Variants in ZBTB20 observed in about 807,000 individuals in gnomAD.
The protein encoded by ZBTB20 is zinc finger and BTB domain-containing protein 20.
ZBTB20 carries 9 observed loss-of-function variants against 56.9 expected under a neutral mutation model. The ratio of observed to expected loss-of-function variants is 0.16; its 90% CI spans 0.10 to 0.28. ZBTB20 has a LOEUF of 0.28. Among genes scored for constraint, ZBTB20 ranks in the 10% least tolerant of loss-of-function variants. The pLI, the probability that ZBTB20 is intolerant of heterozygous loss-of-function variation, is 1.00. For synonymous variants in ZBTB20, 417 were observed against 420.7 expected (o/e 0.99, Z 0.11); for missense variants, 655 against 1,003.0 (o/e 0.65, Z 4.69).
intron 4 of ZBTB20, among the ~76,000 whole-genome samples, chr3:114,822,008 T>C (rs767703657): frequency 1.3e-5 from 2 of 151,944 alleles, no homozygotes; most frequent in Non-Finnish European, 2.9e-5. Context: ...CTAATGTATT[T>C]ACAAAGTAGG....
rs1390358373 is a variant in ZBTB20, at chr3:114,321,131, T to C, written c.*17874A>G. On this transcript the variant is annotated 3_prime_UTR_variant, in exon 12 of 12. Transcript: ENST00000675478. ...GCTGCTACTGGTATTTATATTTAAT[T>C]TGGAGGAATTTCCAGCCCACTGATA... The C allele has an allele frequency of 3.9e-5, 6 of 152,194 alleles. No homozygotes were observed. The highest frequency in any genetic ancestry group is 1.4e-4 in the African/African-American group (6 of 41,450). 9.4% of individuals were successfully genotyped at this position (152,194 alleles called of 1,614,324 possible). A position where few individuals can be genotyped will look rare whatever the true frequency, so the allele number is the denominator to read the frequency against.
At chr3:114,640,219 C>A (rs2059486446) in intron 6 of ZBTB20, among the ~76,000 whole-genome samples, 1 of 151,962 alleles carries the variant, frequency 6.6e-6, no homozygotes, top group Admixed American at 6.6e-5. Flanking sequence ...ACAGTTTGGG[C>A]TGTGAATAGT....
chr3:114,593,461 C>T (rs138204993), intron 6 of ZBTB20, among the ~76,000 whole-genome samples: 3,155 of 150,846 alleles, frequency 0.021, 102 homozygotes, highest in African/African-American at 0.072. Flanking sequence ...CTCGGCTCAC[C>T]GCAATCTCTG....
At chr3:114,604,385 A>G (rs1304928637) in intron 6 of ZBTB20, among the ~76,000 whole-genome samples, 2 of 152,080 alleles carry the variant, frequency 1.3e-5, no homozygotes, top group Non-Finnish European at 2.9e-5. Context: ...ATAATGAATA[A>G]AAGTGGTTAC....
At chr3:114,617,943 T>C (rs1408174878) in intron 6 of ZBTB20, among the ~76,000 whole-genome samples, 3 of 144,670 alleles carry the variant, frequency 2.1e-5, no homozygotes, top group Non-Finnish European at 3.0e-5. Flanking sequence ...CAAACACACA[T>C]GTATACACTC....
At chr3:115,124,449 A>G (rs2108652700) in intron 1 of ZBTB20, among the ~76,000 whole-genome samples, 1 of 152,354 alleles carries the variant, frequency 6.6e-6, no homozygotes, top group Non-Finnish European at 1.5e-5. Context: ...ATATGCATTG[A>G]TAACTAGGTT....
chr3:114,699,180 T>C (rs2063239913), intron 5 of ZBTB20, among the ~76,000 whole-genome samples: 1 of 152,132 alleles, frequency 6.6e-6, no homozygotes, highest in South Asian at 2.1e-4. Flanking sequence ...CACCAGCCCT[T>C]TTGGGCTGTC....
At chr3:114,997,684 AAAAAGTAGAATT>A (rs377460316) in intron 2 of ZBTB20, among the ~76,000 whole-genome samples, 11 of 151,854 alleles carry the variant, frequency 7.2e-5, no homozygotes, top group African/African-American at 2.7e-4. Flanking sequence ...AAAATTTCTA[AAAAAGTAGAATT>A]AGTGTTCAAA....
intron 7 of ZBTB20, among the ~76,000 whole-genome samples, chr3:114,481,820 A>T (rs1308145502): frequency 6.6e-6 from 1 of 152,216 alleles, no homozygotes; most frequent in Non-Finnish European, 1.5e-5. Context: ...GGGAAGCTGG[A>T]GTCACAGCAG....
chr3:114,618,732 G>T (rs940001254), intron 6 of ZBTB20, among the ~76,000 whole-genome samples: 28 of 152,254 alleles, frequency 1.8e-4, no homozygotes, highest in South Asian at 1.0e-3. Context: ...TCCCAGAAAG[G>T]TTAGGAGCCA....
chr3:114,582,822 C>T (rs544489150), intron 6 of ZBTB20, among the ~76,000 whole-genome samples: 4 of 152,342 alleles, frequency 2.6e-5, no homozygotes, highest in Admixed American at 2.6e-4. Flanking sequence ...TTAGTAAGCA[C>T]TTCACAGCCA....
At chr3:114,699,214 A>G (rs1337439189) in intron 5 of ZBTB20, among the ~76,000 whole-genome samples, 1 of 152,156 alleles carries the variant, frequency 6.6e-6, no homozygotes, top group Non-Finnish European at 1.5e-5. Context: ...TTGGGCACAG[A>G]AAAGTCTATT....
intron 5 of ZBTB20, among the ~76,000 whole-genome samples, chr3:114,696,203 T>C (rs755872729): frequency 2.6e-5 from 4 of 152,148 alleles, no homozygotes; most frequent in Non-Finnish European, 4.4e-5. Flanking sequence ...AAAGGAATTC[T>C]AAATTGCAAT....
intron 6 of ZBTB20, among the ~76,000 whole-genome samples, chr3:114,690,228 T>G (rs925352685): frequency 1.3e-5 from 2 of 152,082 alleles, no homozygotes; most frequent in African/African-American, 4.8e-5. Context: ...TGGGGAAACT[T>G]TTTTTTCTTC....
chr3:114,678,052 T>G (rs1203027589), intron 6 of ZBTB20, among the ~76,000 whole-genome samples: 2 of 152,178 alleles, frequency 1.3e-5, no homozygotes, highest in African/African-American at 4.8e-5. Flanking sequence ...GCAATCTGAT[T>G]CTTTATAAAA....
intron 5 of ZBTB20, among the ~76,000 whole-genome samples, chr3:114,717,070 T>C (rs1456869715): frequency 6.6e-6 from 1 of 152,118 alleles, no homozygotes; most frequent in Non-Finnish European, 1.5e-5. Flanking sequence ...GACCTCTGCC[T>C]CTGCTGCCTG....
intron 5 of ZBTB20, among the ~76,000 whole-genome samples, chr3:114,742,942 G>T (rs1375791220): frequency 6.6e-6 from 1 of 152,138 alleles, no homozygotes; most frequent in Non-Finnish European, 1.5e-5. Flanking sequence ...AATATGTGAG[G>T]TAGTACAAGA....
chr3:114,615,691 A>G (rs565395262), intron 6 of ZBTB20, among the ~76,000 whole-genome samples: 1 of 152,218 alleles, frequency 6.6e-6, no homozygotes, highest in South Asian at 2.1e-4. Flanking sequence ...AACGTGACAG[A>G]TACCTGTCAT....
At chr3:114,348,650 C>T (rs935984206) in intron 11 of ZBTB20, among the ~76,000 whole-genome samples, 1 of 152,158 alleles carries the variant, frequency 6.6e-6, no homozygotes, top group African/African-American at 2.4e-5. Flanking sequence ...ACTTACATTA[C>T]CCTGCAAAGA....
Sources: allele counts gnomAD v4.1 joint callset (sites outside exome capture counted in the v4.1 genomes callset), GRCh38; gene constraint gnomAD v4.1.1; transcripts MANE v1.5; gene names NCBI Gene and HGNC (gene_info 2026-07-23, HGNC 2026-07-21).